The following ZEB2 variants were observed in gnomAD, a reference collection of about 807,000 sequenced individuals.
ZEB2 encodes the protein zinc finger E-box-binding homeobox 2.
In ZEB2, 6 loss-of-function variants were observed where a neutral mutation model predicts 99.9. That is an observed-to-expected ratio of 0.06 (90% CI 0.03 to 0.12). The LOEUF (loss-of-function observed/expected upper bound fraction) is 0.12, where lower values mean the gene tolerates loss of function less well. Among genes scored for constraint, ZEB2 ranks in the 10% least tolerant of loss-of-function variants. ZEB2 has a pLI of 1.00. For missense variants in ZEB2, 969 were observed against 1,502.8 expected (o/e 0.64, Z 5.87); for synonymous variants, 517 against 542.5 (o/e 0.95, Z 0.65).
At chr2:144,483,268 T>C (rs1223389756) in intron 2 of ZEB2, among the ~76,000 whole-genome samples, 1 of 152,032 alleles carries the variant, frequency 6.6e-6, no homozygotes, top group African/African-American at 2.4e-5. Flanking sequence ...AAGCAAGTAA[T>C]AGGTCAATTT....
At position 144,393,731 on chromosome 2, in the gene ZEB2, A is replaced by T. The variant is rs555326601; in HGVS notation, c.3067+2681T>A. Among the ~76,000 whole-genome samples the T allele has an allele frequency of 2.6e-5, 4 of 152,304 alleles. No homozygotes were observed. In the South Asian group the frequency reaches 8.3e-4, roughly 32 times the overall value. ...ATGTCATGAGATGTTTGGTCAAGTG[A>T]CCAAAAAGTTAACATGCTGGAAACT... On this transcript the variant is annotated intron_variant, in intron 9 of 9. Coordinates refer to ENST00000627532, the MANE Select transcript of ZEB2 (RefSeq NM_014795.4).
chr2:144,399,163 A>G lies in ZEB2; in HGVS notation c.2024T>C (p.Leu675Pro), dbSNP rs1274843979. The G allele has an allele frequency of 6.2e-7, 1 of 1,614,054 alleles. No homozygotes were observed. Among genetic ancestry groups the G allele is most frequent in the Non-Finnish European group, 8.5e-7 (1 of 1,180,030 alleles). ...AAGGCCCACAGCAATGGAAATTTTCAGCAGTTCATCGGAGTTGGGCTCCAT... is the reference window on the plus strand; with the variant it reads ...AAGGCCCACAGCAATGGAAATTTTCGGCAGTTCATCGGAGTTGGGCTCCAT... Reference protein sequence around the residue: ...MNMEPNSDELLKISIAVGLPQ... With the variant: ...MNMEPNSDELPKISIAVGLPQ... The change falls in exon 8 of 10, where the codon CTG becomes CCG. Residue 675 changes from leucine (L) to proline (P), a missense_variant. By Grantham distance (98) the Leu-to-Pro change is moderately conservative. Around this residue, in one of 8 missense-constraint regions of ZEB2, gnomAD observed 346 missense variants for 460.0 expected, o/e 0.75. Transcript: ENST00000627532. This position sits in a 1 kb window ranked among gnomAD's most constrained non-coding sequence, Gnocchi z 5.6.
chr2:144,435,799 T>C (rs1477841291), intron 2 of ZEB2, among the ~76,000 whole-genome samples: 1 of 152,136 alleles, frequency 6.6e-6, no homozygotes, highest in Admixed American at 6.6e-5. Context: ...ACCTTAGCCT[T>C]TATTCCTCCT....
intron 4 of ZEB2, among the ~76,000 whole-genome samples, chr2:144,407,155 A>T (rs762649375): frequency 2.0e-5 from 3 of 152,234 alleles, no homozygotes; most frequent in Non-Finnish European, 4.4e-5. Flanking sequence ...TATGTGGACC[A>T]CTAAACTAAG....
At chr2:144,480,012 G>A (rs1188079979) in intron 2 of ZEB2, among the ~76,000 whole-genome samples, 3 of 152,064 alleles carry the variant, frequency 2.0e-5, no homozygotes, top group African/African-American at 7.2e-5. Flanking sequence ...TTGTGACCCC[G>A]CAAAGCACAA....
At chr2:144,475,467 C>CAT (rs1704417165) in intron 2 of ZEB2, among the ~76,000 whole-genome samples, 1 of 151,982 alleles carries the variant, frequency 6.6e-6, no homozygotes, top group African/African-American at 2.4e-5. Flanking sequence ...GTTTAAAAGC[C>CAT]ATATATATAC....
intron 2 of ZEB2, among the ~76,000 whole-genome samples, chr2:144,488,477 T>C (rs991998635): frequency 6.6e-6 from 1 of 152,116 alleles, no homozygotes; most frequent in African/African-American, 2.4e-5. Flanking sequence ...TGAATAAGCA[T>C]CTTAAATGGA....
chr2:144,470,116 T>A (rs938811426), intron 2 of ZEB2, among the ~76,000 whole-genome samples: 8 of 152,222 alleles, frequency 5.3e-5, no homozygotes, highest in Admixed American at 1.3e-4. Context: ...AACAGCTTAA[T>A]CTCCATACTT....
At chr2:144,424,696 C>CATGGAGATACAAATGG (rs2149889067) in intron 4 of ZEB2, 100 bp downstream of exon 4, 2 of 1,377,788 alleles carry the variant, frequency 1.5e-6, no homozygotes, top group East Asian at 4.6e-5. Flanking sequence ...CTTGTTAAGT[C>CATGGAGATACAAATGG]ATGGAGATAC....
At chr2:144,415,324 T>C (rs916479578) in intron 4 of ZEB2, among the ~76,000 whole-genome samples, 1 of 152,216 alleles carries the variant, frequency 6.6e-6, no homozygotes, top group African/African-American at 2.4e-5. Context: ...CAGGTATTAG[T>C]TATTAGTTAG....
chr2:144,487,327 G>C (rs1301845820), intron 2 of ZEB2, among the ~76,000 whole-genome samples: 1 of 152,168 alleles, frequency 6.6e-6, no homozygotes, highest in Non-Finnish European at 1.5e-5. Context: ...GTAGGAAAAA[G>C]AAACTGCCCC....
intron 4 of ZEB2, chr2:144,424,567 T>A: frequency 3.1e-6 from 2 of 638,520 alleles, no homozygotes; most frequent in Non-Finnish European, 5.7e-6. Context: ...GAGTTCAGTA[T>A]TCTTGAGCGT....
At chr2:144,460,022 G>A (rs1704171095) in intron 2 of ZEB2, among the ~76,000 whole-genome samples, 1 of 152,128 alleles carries the variant, frequency 6.6e-6, no homozygotes, top group Non-Finnish European at 1.5e-5. Context: ...AACAGGAAAG[G>A]TTAAGGTTGG....
intron 1 of ZEB2, 64 bp from the exon 2 acceptor site, chr2:144,517,483 C>A: frequency 8.9e-7 from 1 of 1,123,204 alleles, no homozygotes; most frequent in South Asian, 1.3e-5. Flanking sequence ...GCGCGGGCCG[C>A]CCAGGGGAGC....
intron 8 of ZEB2, 34 bp from the exon 9 acceptor site, chr2:144,396,626 T>G (rs1220167084): frequency 6.2e-7 from 1 of 1,604,704 alleles, no homozygotes; most frequent in East Asian, 2.2e-5. Flanking sequence ...ATACAGTGGC[T>G]TCTCTTTGTG....
At chr2:144,425,040 C>T (rs1703673394) in intron 3 of ZEB2, 173 bp from the exon 4 acceptor site, 1 of 654,864 alleles carries the variant, frequency 1.5e-6, no homozygotes, top group East Asian at 2.8e-5. Flanking sequence ...ATAGTGCTAG[C>T]TGCACAAGAA....
chr2:144,479,210 C>G (rs1704472563), intron 2 of ZEB2, among the ~76,000 whole-genome samples: 1 of 152,128 alleles, frequency 6.6e-6, no homozygotes, highest in East Asian at 1.9e-4. Context: ...CCTGGAATTT[C>G]ACAATGCTTG....
intron 2 of ZEB2, among the ~76,000 whole-genome samples, chr2:144,490,795 T>C (rs1279224399): frequency 6.6e-6 from 1 of 152,244 alleles, no homozygotes; most frequent in African/African-American, 2.4e-5. Flanking sequence ...TTTCGGACTA[T>C]ACTGGTATTT....
chr2:144,470,176 C>T (rs1280078276), intron 2 of ZEB2, among the ~76,000 whole-genome samples: 1 of 152,188 alleles, frequency 6.6e-6, no homozygotes, highest in Admixed American at 6.5e-5. Flanking sequence ...TATTTAATCT[C>T]TCTCTCTCAA....
Sources: allele counts gnomAD v4.1 joint callset (sites outside exome capture counted in the v4.1 genomes callset), GRCh38; gene constraint gnomAD v4.1.1; regional missense constraint gnomAD v4.1.1; non-coding constraint Gnocchi (gnomAD v3.1); transcripts MANE v1.5; gene names NCBI Gene and HGNC (gene_info 2026-07-23, HGNC 2026-07-21).